The following PFKFB3 variants were observed in gnomAD, a reference collection of about 807,000 sequenced individuals.
The protein encoded by PFKFB3 is 6-phosphofructo-2-kinase/fructose-2,6-bisphosphatase 3.
A neutral mutation model predicts 68.0 loss-of-function variants in PFKFB3; 33 were observed. The ratio of observed to expected loss-of-function variants is 0.49; its 90% CI spans 0.37 to 0.65. The LOEUF is 0.65. Among genes scored for constraint, PFKFB3 ranks in the 30% least tolerant of loss-of-function variants. The probability of loss-of-function intolerance (pLI) is 0.00; values close to 1 mark genes in which losing one functional copy is unlikely to be tolerated. For missense variants in PFKFB3, 586 were observed against 712.2 expected (o/e 0.82, Z 2.02); for synonymous variants, 315 against 288.2 (o/e 1.09, Z -0.94).
Position 6,215,302 on chromosome 10 carries a change from C to A in PFKFB3, c.284C>A (p.Ala95Asp). Residue 95 changes from alanine (A) to aspartate (D), a missense_variant, in exon 3 of 15, where the codon GCC becomes GAC. Transcript: ENST00000379775. The surrounding 1 kb of genome is among the most constrained non-coding windows in gnomAD (Gnocchi z 4.3). The part of the protein sequence containing the change: ...YNFFRPDNEE[A>D]MKVRKQCALA... ...TTCTTCCGCCCCGACAATGAGGAAG[C>A]CATGAAAGTCCGGAAGTAAGGCTGG... 1 of 1,613,706 alleles carries A rather than the reference C, an allele frequency of 6.2e-7. No homozygotes were observed.
At chr10:6,305,005 ATTTT>A in the PFKFB3 span, among the ~76,000 whole-genome samples, 553 of 14,330 alleles carry the variant, frequency 0.039, no homozygotes, top group South Asian at 0.081. Context: ...AATATTAGGA[ATTTT>A]TTTTTTTTTT....
At chr10:6,216,266 C>G in intron 4 of PFKFB3, 75 bp downstream of exon 4, 1 of 1,363,428 alleles carries the variant, frequency 7.3e-7, no homozygotes, top group Non-Finnish European at 1.1e-6. Context: ...TGGGGTGTAC[C>G]GAGACCTGTG....
intron 1 of PFKFB3, among the ~76,000 whole-genome samples, chr10:6,189,360 G>A (rs1345884783): frequency 1.3e-5 from 2 of 152,006 alleles, no homozygotes; most frequent in Non-Finnish European, 2.9e-5. Context: ...AGAAAATAAG[G>A]TCACTTATTT....
At chr10:6,265,367 C>T in the PFKFB3 span, among the ~76,000 whole-genome samples, 1 of 152,158 alleles carries the variant, frequency 6.6e-6, no homozygotes, top group Non-Finnish European at 1.5e-5. Context: ...AGGCATGAGC[C>T]ACCGCCCCTC....
chr10:6,172,823 GAAA>G (rs56885054), intron 1 of PFKFB3, among the ~76,000 whole-genome samples: 1 of 143,280 alleles, frequency 7.0e-6, no homozygotes, highest in African/African-American at 2.6e-5. Flanking sequence ...CTTCATCTCA[GAAA>G]AAAAAAAAAA....
chr10:6,260,256 C>CA, the PFKFB3 span, among the ~76,000 whole-genome samples: 1 of 151,600 alleles, frequency 6.6e-6, no homozygotes, highest in Non-Finnish European at 1.5e-5. Flanking sequence ...ACTAAAAATA[C>CA]AAAAAAATTA....
chr10:6,210,364 G>GTTT (rs1375867755), intron 1 of PFKFB3, among the ~76,000 whole-genome samples: 14 of 58,654 alleles, frequency 2.4e-4, no homozygotes, highest in East Asian at 1.0e-3. Flanking sequence ...TTGTTTTTTT[G>GTTT]TTTTTTTTTT....
chr10:6,211,336 G>A (rs562747755), intron 1 of PFKFB3, among the ~76,000 whole-genome samples: 13 of 152,192 alleles, frequency 8.5e-5, no homozygotes, highest in Non-Finnish European at 1.8e-4. Flanking sequence ...GCGTGGTTCC[G>A]ACAGAAATAT....
the PFKFB3 span, among the ~76,000 whole-genome samples, chr10:6,320,603 T>G: frequency 6.6e-6 from 1 of 152,152 alleles, no homozygotes; most frequent in African/African-American, 2.4e-5. Context: ...TTACATTTTT[T>G]CAGTAGCGAC....
the PFKFB3 span, among the ~76,000 whole-genome samples, chr10:6,276,228 G>A: frequency 6.6e-6 from 1 of 152,116 alleles, no homozygotes; most frequent in Non-Finnish European, 1.5e-5. Context: ...ATAGAAATAG[G>A]ATAACAAATG....
In PFKFB3 at chr10:6,220,505, G is replaced by A. The variant is rs10466309; in HGVS notation, c.624-153G>A. On this transcript the variant is annotated intron_variant, in intron 7 of 14. Coordinates refer to ENST00000379775, the MANE Select transcript of PFKFB3 (RefSeq NM_004566.4). The surrounding 1 kb of genome is among the most constrained non-coding windows in gnomAD (Gnocchi z 4.1). ...GCTGTGGGAGTTGTCTTACGCATAT[G>A]CTCTGCCCCTTAGAAGGATTCAGTC... Among the ~76,000 whole-genome samples, 97,933 of 151,520 alleles carry A rather than the reference G, an allele frequency of 0.65. 31,832 individuals carry two copies. The highest frequency in any genetic ancestry group is 0.69 in the Non-Finnish European group (46,699 of 67,758).
At chr10:6,292,278 CTTTTTTTTTTTTT>C in the PFKFB3 span, among the ~76,000 whole-genome samples, 2 of 54,282 alleles carry the variant, frequency 3.7e-5, no homozygotes, top group East Asian at 1.1e-3. Context: ...TTTTTTTTTT[CTTTTTTTTTTTTT>C]TTTTTTTTTT....
chr10:6,157,292 T>C (rs1422615797), intron 1 of PFKFB3, among the ~76,000 whole-genome samples: 2 of 150,390 alleles, frequency 1.3e-5, no homozygotes, highest in African/African-American at 4.9e-5. Flanking sequence ...AGTGGCGCGA[T>C]CTCGGCTCAC....
the PFKFB3 span, among the ~76,000 whole-genome samples, chr10:6,317,431 A>C: frequency 6.6e-6 from 1 of 152,192 alleles, no homozygotes; most frequent in South Asian, 2.1e-4. Context: ...TCTTAGGCTA[A>C]ATGATGACTG....
chr10:6,235,032 G>A lies in PFKFB3; in HGVS notation c.*2090G>A, dbSNP rs945914895. On this transcript the variant is annotated 3_prime_UTR_variant, in exon 15 of 15. Coordinates refer to ENST00000379775, the MANE Select transcript of PFKFB3 (RefSeq NM_004566.4). ...ACATTGGACGGGGGCCGGGGGCGGG[G>A]GTTGGGTTTGAGCTACAGTCATGAA... The A allele has an allele frequency of 4.2e-5, 6 of 141,220 alleles. No individual in the cohort carries two copies. The highest frequency in any genetic ancestry group is 7.8e-5 in the Non-Finnish European group (5 of 64,514). 8.7% of individuals were successfully genotyped at this position (141,220 alleles called of 1,614,324 possible).
At chr10:6,193,991 G>C (rs1843100532) in intron 1 of PFKFB3, among the ~76,000 whole-genome samples, 1 of 146,232 alleles carries the variant, frequency 6.8e-6, no homozygotes, top group Admixed American at 6.6e-5. Flanking sequence ...CTGGGGATAT[G>C]ATGGCTTAGC....
At chr10:6,191,917 C>G (rs1231908606) in intron 1 of PFKFB3, among the ~76,000 whole-genome samples, 2 of 152,092 alleles carry the variant, frequency 1.3e-5, no homozygotes, top group Admixed American at 1.3e-4. Context: ...CTCGGACACC[C>G]TGGTCGCCGT....
the PFKFB3 span, among the ~76,000 whole-genome samples, chr10:6,278,340 A>G: frequency 6.6e-6 from 1 of 151,030 alleles, no homozygotes; most frequent in Admixed American, 6.6e-5. Flanking sequence ...CAGTGGCACG[A>G]TCTTGGGTCA....
chr10:6,302,779 CAT>C, the PFKFB3 span, among the ~76,000 whole-genome samples: 1,366 of 116,768 alleles, frequency 0.012, 17 homozygotes, highest in African/African-American at 0.031. Flanking sequence ...CACACACACA[CAT>C]ATACACATAC....
Sources: allele counts gnomAD v4.1 joint callset (sites outside exome capture counted in the v4.1 genomes callset), GRCh38; gene constraint gnomAD v4.1.1; non-coding constraint Gnocchi (gnomAD v3.1); transcripts MANE v1.5; gene names NCBI Gene and HGNC (gene_info 2026-07-23, HGNC 2026-07-21).